The following PHACTR2 variants were observed in gnomAD, a reference collection of about 807,000 sequenced individuals.
PHACTR2 encodes the protein chromosome 6 open reading frame 56.
In PHACTR2, 30 loss-of-function variants were observed where a neutral mutation model predicts 76.0. The observed-to-expected ratio is 0.39, with a 90% CI of 0.30 to 0.54. The LOEUF is 0.54. PHACTR2 is among the 20% of genes least tolerant of loss of function. The probability of loss-of-function intolerance (pLI) is 0.61; values close to 1 mark genes in which losing one functional copy is unlikely to be tolerated. For missense variants in PHACTR2, 696 were observed against 781.1 expected (o/e 0.89, Z 1.30); for synonymous variants, 292 against 292.5 (o/e 1.00, Z 0.02).
rs1582681960 is a variant in PHACTR2, at chr6:143,578,312, A to G, written c.217+41105A>G. ...CATCCTCCATGTTTCCCCTTCTAGG[A>G]TGATCTAGTTTGATTCAACTCTTCT... On this transcript the variant is annotated intron_variant, in intron 1 of 11. Transcript: ENST00000367584. The surrounding 1 kb of genome is among the most constrained non-coding windows in gnomAD (Gnocchi z 4.5). 6.6e-6 allele frequency among the ~76,000 whole-genome samples: 1 copy of G among 152,162 alleles called. No homozygotes were observed. Among genetic ancestry groups the G allele is most frequent in the Admixed American group, 6.5e-5 (1 of 15,274 alleles).
rs1348115191 is a variant in PHACTR2 at position 143,803,088 on chromosome 6, A to G, written c.1846-3969A>G. Among the ~76,000 whole-genome samples the G allele has an allele frequency of 1.3e-5, 2 of 152,192 alleles. No individual in the cohort carries two copies. Among genetic ancestry groups the G allele is most frequent in the Non-Finnish European group, 2.9e-5 (2 of 68,040 alleles). On this transcript the variant is annotated intron_variant, in intron 11 of 12. Transcript: ENST00000440869. This position sits in a 1 kb window ranked among gnomAD's most constrained non-coding sequence, Gnocchi z 4.7. ...GGCCCAGAAGCTCATATTAATGGAA[A>G]GACTGTAGGATGTGAGGTTAAAAGG... is the stretch of plus-strand genomic sequence containing the variant.
intron 1 of PHACTR2, among the ~76,000 whole-genome samples, chr6:143,579,080 T>G (rs112302832): frequency 1.3e-5 from 2 of 152,126 alleles, no homozygotes; most frequent in Non-Finnish European, 2.9e-5. Flanking sequence ...ATTTTTGTGT[T>G]TTTTGTAGAG....
rs1562258848 is a variant in PHACTR2 at position 143,648,946 on chromosome 6, T to TGTGTCTG, written c.13+40624_13+40625insGTGTCTG. Reference sequence around the variant, plus strand: ...TGTGTATGTCTATGTCTATGTATGTTTGTGTGTGTCTGTGTGTCTATGTGT... The same window carrying TGTGTCTG: ...TGTGTATGTCTATGTCTATGTATGTTGTGTCTGTGTGTGTGTCTGTGTGTCTATGTGT... On this transcript the variant is annotated intron_variant, in intron 1 of 11. Coordinates refer to the PHACTR2 transcript ENST00000305766. The surrounding 1 kb of genome is among the most constrained non-coding windows in gnomAD (Gnocchi z 6.7). Among the ~76,000 whole-genome samples, 57 of 150,362 alleles carry TGTGTCTG rather than the reference T, an allele frequency of 3.8e-4. 1 individual carries two copies. The South Asian group carries it at 0.012, about 32-fold the overall frequency.
At chr6:143,713,641 C>G (rs1472742259) in intron 2 of PHACTR2, among the ~76,000 whole-genome samples, 2 of 152,144 alleles carry the variant, frequency 1.3e-5, no homozygotes, top group Non-Finnish European at 2.9e-5. Context: ...TCAGTTTTCT[C>G]GCCTGCAAAA....
chr6:143,771,166 A>ATATATGTG (rs1775107715), intron 6 of PHACTR2, among the ~76,000 whole-genome samples: 1 of 27,670 alleles, frequency 3.6e-5, no homozygotes, highest in African/African-American at 2.1e-4. Flanking sequence ...ATGTATATAT[A>ATATATGTG]TATATATGTA....
chr6:143,814,636 T>TATGGACAGATAGACATACACA (rs1776258981), intron 12 of PHACTR2, among the ~76,000 whole-genome samples: 1 of 143,362 alleles, frequency 7.0e-6, no homozygotes, highest in Non-Finnish European at 1.5e-5. Context: ...GGAGTCTCGC[T>TATGGACAGATAGACATACACA]CTGTCGCCCA....
At chr6:143,640,059 T>A (rs539898790) in intron 1 of PHACTR2, among the ~76,000 whole-genome samples, 2 of 152,182 alleles carry the variant, frequency 1.3e-5, no homozygotes, top group Admixed American at 6.5e-5. Context: ...TATAACCTAG[T>A]GATGTCACAG....
At chr6:143,716,827 G>A (rs1359418277) in intron 2 of PHACTR2, among the ~76,000 whole-genome samples, 1 of 152,242 alleles carries the variant, frequency 6.6e-6, no homozygotes, top group African/African-American at 2.4e-5. Context: ...CATAGCCCAA[G>A]AGCTGGGTGA....
In PHACTR2 at chr6:143,656,175, T is replaced by C. The variant is rs1056624873; in HGVS notation, c.13+47853T>C. Among the ~76,000 whole-genome samples, 1 of 152,228 alleles carries C rather than the reference T, an allele frequency of 6.6e-6. No individual in the cohort carries two copies. Among genetic ancestry groups the C allele is most frequent in the Non-Finnish European group, 1.5e-5 (1 of 68,042 alleles). On this transcript the variant is annotated intron_variant, in intron 1 of 11. Transcript: ENST00000305766. This position sits in a 1 kb window ranked among gnomAD's most constrained non-coding sequence, Gnocchi z 5.3. ...CGCAGAGACTTCTAGCAGGGTTGTCTGGTGGGACATGCCCTGGGATATGGG... is the reference window on the plus strand; with the variant it reads ...CGCAGAGACTTCTAGCAGGGTTGTCCGGTGGGACATGCCCTGGGATATGGG...
chr6:143,723,297 A>C (rs1181012443), intron 2 of PHACTR2, among the ~76,000 whole-genome samples: 1 of 152,188 alleles, frequency 6.6e-6, no homozygotes. Context: ...AGGACTTCTG[A>C]CTAGCTAGAC....
chr6:143,781,275 C>T (rs183315496), intron 9 of PHACTR2, among the ~76,000 whole-genome samples: 2 of 152,292 alleles, frequency 1.3e-5, no homozygotes, highest in Admixed American at 1.3e-4. Flanking sequence ...CTGCATTTGG[C>T]CCTTCTCTTT....
intron 11 of PHACTR2, among the ~76,000 whole-genome samples, chr6:143,798,176 C>T (rs1266816725): frequency 6.6e-6 from 1 of 152,134 alleles, no homozygotes; most frequent in Non-Finnish European, 1.5e-5. Context: ...AATGGGAGTT[C>T]ACTCATGATT....
At chr6:143,582,696 T>C (rs1775589834) in intron 1 of PHACTR2, among the ~76,000 whole-genome samples, 1 of 152,212 alleles carries the variant, frequency 6.6e-6, no homozygotes, top group Non-Finnish European at 1.5e-5. Context: ...TGGGAATTTG[T>C]TTACAATATA....
rs987869706 is a variant in PHACTR2, at chr6:143,678,576, T to G, written c.46+367T>G. On this transcript the variant is annotated intron_variant, in intron 1 of 12. Coordinates refer to ENST00000440869, the MANE Select transcript of PHACTR2 (RefSeq NM_001100164.2). The surrounding 1 kb of genome is among the most constrained non-coding windows in gnomAD (Gnocchi z 6.2). ...ACATGCCAACAGGTTTTTCTGTATTTACGCTTGGCTTCCGAACAGACTAGG... is the reference window on the plus strand; with the variant it reads ...ACATGCCAACAGGTTTTTCTGTATTGACGCTTGGCTTCCGAACAGACTAGG... Among the ~76,000 whole-genome samples, 2 of 152,234 alleles carry G rather than the reference T, an allele frequency of 1.3e-5. No individual in the cohort carries two copies. Among genetic ancestry groups the G allele is most frequent in the Non-Finnish European group, 2.9e-5 (2 of 68,040 alleles).
chr6:143,588,594 G>A (rs918128086), intron 1 of PHACTR2, among the ~76,000 whole-genome samples: 2 of 152,130 alleles, frequency 1.3e-5, no homozygotes, highest in African/African-American at 4.8e-5. Context: ...AAGAAAGCAG[G>A]AAGAATGTAA....
intron 1 of PHACTR2, among the ~76,000 whole-genome samples, chr6:143,594,939 C>T (rs1311036717): frequency 6.6e-6 from 1 of 152,228 alleles, no homozygotes; most frequent in Admixed American, 6.5e-5. Flanking sequence ...TTCTAATCAG[C>T]TTGTTTTAGC....
chr6:143,593,188 G>A (rs968971563), intron 1 of PHACTR2, among the ~76,000 whole-genome samples: 1 of 152,076 alleles, frequency 6.6e-6, no homozygotes, highest in Non-Finnish European at 1.5e-5. Context: ...TGTATTAGAT[G>A]CTGGGAATTC....
rs1310042470 is a variant in PHACTR2 at position 143,709,661 on chromosome 6, G to A, written c.47-2355G>A. Among the ~76,000 whole-genome samples the A allele has an allele frequency of 6.6e-6, 1 of 152,188 alleles. No individual in the cohort carries two copies. The highest frequency in any genetic ancestry group is 1.5e-5 in the Non-Finnish European group (1 of 68,030). On this transcript the variant is annotated intron_variant, in intron 1 of 12. Transcript: ENST00000440869. The surrounding 1 kb of genome is among the most constrained non-coding windows in gnomAD (Gnocchi z 4.4). ...TCCACCTGTCCTCTGTTGACATGCTGTGTATGTGTGTGGGGTGTCCTTGTT... is the reference window on the plus strand; with the variant it reads ...TCCACCTGTCCTCTGTTGACATGCTATGTATGTGTGTGGGGTGTCCTTGTT...
At position 143,828,396 on chromosome 6, in the gene PHACTR2, C is replaced by T. The variant is rs1445849189; in HGVS notation, c.*4707C>T. ...ATTCCCATTTTCACTTCCAATTTCC[C>T]TTTTGTAATCATTAAGCTTAAGCTA... On this transcript the variant is annotated 3_prime_UTR_variant, in exon 13 of 13. Transcript: ENST00000440869. The surrounding 1 kb of genome is among the most constrained non-coding windows in gnomAD (Gnocchi z 4.7). 2 of 152,128 alleles carry T rather than the reference C, an allele frequency of 1.3e-5. No homozygotes were observed. The highest frequency in any genetic ancestry group is 2.9e-5 in the Non-Finnish European group (2 of 68,038). The allele number at this position is 152,128 out of a possible 1,614,324, so 9.4% of individuals were successfully genotyped here. A position where few individuals can be genotyped will look rare whatever the true frequency, so the allele number is the denominator to read the frequency against.
Sources: allele counts gnomAD v4.1 joint callset (sites outside exome capture counted in the v4.1 genomes callset), GRCh38; gene constraint gnomAD v4.1.1; non-coding constraint Gnocchi (gnomAD v3.1); transcripts MANE v1.5; gene names NCBI Gene and HGNC (gene_info 2026-07-23, HGNC 2026-07-21).